Variants in CTNND2 observed in about 807,000 individuals in gnomAD.
The protein encoded by CTNND2 is catenin delta-2.
In CTNND2, 22 loss-of-function variants were observed where a neutral mutation model predicts 144.4. The observed-to-expected ratio is 0.15, with a 90% CI of 0.11 to 0.22. The LOEUF is 0.22. Among genes scored for constraint, CTNND2 ranks in the 10% least tolerant of loss-of-function variants. CTNND2 has a pLI of 1.00. For missense variants in CTNND2, 1,353 were observed against 1,618.8 expected (o/e 0.84, Z 2.82); for synonymous variants, 751 against 695.6 (o/e 1.08, Z -1.25).
intron 2 of CTNND2, among the ~76,000 whole-genome samples, chr5:11,641,932 A>G (rs1303508324): frequency 6.6e-6 from 1 of 152,076 alleles, no homozygotes; most frequent in Non-Finnish European, 1.5e-5. Flanking sequence ...CATGTTTAAA[A>G]TTGATAAAGC....
chr5:11,051,835 A>C (rs1745859877), intron 16 of CTNND2, among the ~76,000 whole-genome samples: 1 of 152,220 alleles, frequency 6.6e-6, no homozygotes, highest in South Asian at 2.1e-4. Flanking sequence ...CTTGTGTCCC[A>C]AAGCAACTGA....
At chr5:11,346,707 G>C (rs1328515372) in intron 8 of CTNND2, 80 bp from the exon 9 acceptor site, 2 of 1,314,214 alleles carry the variant, frequency 1.5e-6, no homozygotes, top group South Asian at 2.1e-5. Flanking sequence ...GGCAGGGGCA[G>C]GGGAAGTTAC....
chr5:11,270,267 CAT>C (rs1009247109), intron 9 of CTNND2, among the ~76,000 whole-genome samples: 1 of 151,918 alleles, frequency 6.6e-6, no homozygotes, highest in African/African-American at 2.4e-5. Flanking sequence ...CACACACACA[CAT>C]ATATAATATA....
intron 9 of CTNND2, among the ~76,000 whole-genome samples, chr5:11,306,193 C>T (rs1191998138): frequency 6.6e-6 from 1 of 152,144 alleles, no homozygotes; most frequent in Admixed American, 6.5e-5. Context: ...AGTTAGGAGG[C>T]TCTGACAATA....
intron 3 of CTNND2, among the ~76,000 whole-genome samples, chr5:11,542,964 T>C (rs2150072067): frequency 6.6e-6 from 1 of 152,328 alleles, no homozygotes; most frequent in Non-Finnish European, 1.5e-5. Context: ...AAATCTCAAG[T>C]CACATATATA....
intron 16 of CTNND2, among the ~76,000 whole-genome samples, chr5:11,080,947 C>T (rs1749481140): frequency 6.6e-6 from 1 of 152,036 alleles, no homozygotes; most frequent in Admixed American, 6.6e-5. Flanking sequence ...CATGGTGGCA[C>T]GTGTCTGTAG....
intron 21 of CTNND2, among the ~76,000 whole-genome samples, chr5:10,975,521 C>T (rs1199232798): frequency 6.6e-6 from 1 of 152,160 alleles, no homozygotes; most frequent in Admixed American, 6.5e-5. Flanking sequence ...AACTGAAGCA[C>T]AGAGAAGTTA....
At chr5:11,456,767 T>C (rs1202135037) in intron 3 of CTNND2, among the ~76,000 whole-genome samples, 1 of 152,216 alleles carries the variant, frequency 6.6e-6, no homozygotes, top group Non-Finnish European at 1.5e-5. Context: ...TTCCATTGAA[T>C]GCTGCTAAGT....
At chr5:11,001,310 GT>G (rs1243066049) in intron 18 of CTNND2, among the ~76,000 whole-genome samples, 2 of 152,148 alleles carry the variant, frequency 1.3e-5, no homozygotes, top group Non-Finnish European at 2.9e-5. Flanking sequence ...TGCCACCCTG[GT>G]TTGGGGGGAG....
intron 16 of CTNND2, among the ~76,000 whole-genome samples, chr5:11,056,258 T>C (rs1746343977): frequency 6.6e-6 from 1 of 152,248 alleles, no homozygotes; most frequent in African/African-American, 2.4e-5. Context: ...TACGTAGTGA[T>C]GCCTTGAACA....
At chr5:11,230,987 T>G (rs1011590636) in intron 10 of CTNND2, among the ~76,000 whole-genome samples, 2 of 151,970 alleles carry the variant, frequency 1.3e-5, no homozygotes, top group African/African-American at 4.8e-5. Flanking sequence ...AAATCTCACT[T>G]TGAATTGTAA....
rs373876946 is a variant in CTNND2, at chr5:11,672,388, C to T, written c.174+59748G>A. Among the ~76,000 whole-genome samples, 121 of 152,320 alleles carry T rather than the reference C, an allele frequency of 7.9e-4. 4 individuals are homozygous for T. The South Asian group carries it at 0.024, about 31-fold the overall frequency. On this transcript the variant is annotated intron_variant, in intron 2 of 21. Coordinates refer to ENST00000304623, the MANE Select transcript of CTNND2 (RefSeq NM_001332.4). Reference sequence around the variant, plus strand: ...CTGCTAAAGCTGTGCCTGTAGCCACCCCTTCCCCCAGGTGATCCGTCCCAG... The same window carrying T: ...CTGCTAAAGCTGTGCCTGTAGCCACTCCTTCCCCCAGGTGATCCGTCCCAG...
chr5:11,050,950 C>A lies in CTNND2; in HGVS notation c.2789-27971G>T, dbSNP rs569716995. On this transcript the variant is annotated intron_variant, in intron 16 of 21. Coordinates refer to ENST00000304623, the MANE Select transcript of CTNND2 (RefSeq NM_001332.4). Reference sequence around the variant, plus strand: ...GGCACAACTGAAGCTTCCCTTTTCTCCACTATAATATTTACCACTCTTCTG... The same window carrying A: ...GGCACAACTGAAGCTTCCCTTTTCTACACTATAATATTTACCACTCTTCTG... 2.6e-5 allele frequency among the ~76,000 whole-genome samples: 4 copies of A among 152,312 alleles called. No homozygotes were observed. The East Asian group carries it at 5.8e-4, about 22-fold the overall frequency.
At chr5:11,067,424 A>G (rs995388346) in intron 16 of CTNND2, among the ~76,000 whole-genome samples, 5 of 152,216 alleles carry the variant, frequency 3.3e-5, no homozygotes, top group African/African-American at 1.2e-4. Flanking sequence ...TACTCAACCC[A>G]CACCTAAACA....
At chr5:11,599,915 T>C (rs1779697105) in intron 2 of CTNND2, among the ~76,000 whole-genome samples, 2 of 152,162 alleles carry the variant, frequency 1.3e-5, no homozygotes, top group South Asian at 2.1e-4. Flanking sequence ...ATAGAGTTAA[T>C]ACTTGGGTTA....
chr5:11,224,982 T>C (rs989249925), intron 10 of CTNND2, among the ~76,000 whole-genome samples: 1 of 152,172 alleles, frequency 6.6e-6, no homozygotes, highest in African/African-American at 2.4e-5. Context: ...ATCTTCCTGC[T>C]GTGAAGTGTG....
chr5:11,371,781 C>G (rs1757497622), intron 7 of CTNND2, among the ~76,000 whole-genome samples: 1 of 152,112 alleles, frequency 6.6e-6, no homozygotes, highest in Admixed American at 6.5e-5. Flanking sequence ...GATATAAAGA[C>G]ACATTTCTCA....
At chr5:11,879,394 C>G (rs1157330433) in intron 1 of CTNND2, among the ~76,000 whole-genome samples, 1 of 132,958 alleles carries the variant, frequency 7.5e-6, no homozygotes, top group Admixed American at 7.9e-5. Flanking sequence ...CATACATACA[C>G]ATATGCCTGT....
intron 12 of CTNND2, among the ~76,000 whole-genome samples, chr5:11,124,934 G>A (rs1483138071): frequency 1.3e-5 from 2 of 152,160 alleles, no homozygotes; most frequent in East Asian, 3.9e-4. Flanking sequence ...CCCCTGCTTG[G>A]AGCAGCACGC....
Sources: allele counts gnomAD v4.1 joint callset (sites outside exome capture counted in the v4.1 genomes callset), GRCh38; gene constraint gnomAD v4.1.1; transcripts MANE v1.5; gene names NCBI Gene and HGNC (gene_info 2026-07-23, HGNC 2026-07-21).